The following KCNH8 variants were observed in gnomAD, a reference collection of about 807,000 sequenced individuals.
KCNH8 encodes potassium voltage-gated channel subfamily H member 8, also known as voltage-gated delayed rectifier potassium channel KCNH8.
In KCNH8, 70 loss-of-function variants were observed where a neutral mutation model predicts 103.6. That is an observed-to-expected ratio of 0.68 (90% CI 0.56 to 0.82). KCNH8 has a LOEUF of 0.82. Ranked by LOEUF, KCNH8 falls within the 40% of genes least tolerant of loss-of-function variation. KCNH8 has a pLI of 0.00. For missense variants in KCNH8, 1,217 were observed against 1,329.9 expected (o/e 0.92, Z 1.32); for synonymous variants, 498 against 489.4 (o/e 1.02, Z -0.23).
At chr3:19,202,621 T>C (rs1206611094) in intron 1 of KCNH8, among the ~76,000 whole-genome samples, 2 of 152,106 alleles carry the variant, frequency 1.3e-5, no homozygotes, top group Non-Finnish European at 2.9e-5. Flanking sequence ...GCTTTTGGTA[T>C]GGGAAGTATG....
intron 3 of KCNH8, among the ~76,000 whole-genome samples, chr3:19,333,978 A>G (rs2065547158): frequency 1.3e-5 from 2 of 152,164 alleles, no homozygotes; most frequent in African/African-American, 4.8e-5. Context: ...GTAAAGGAAT[A>G]AAAGGAAGAA....
At chr3:19,408,626 A>G (rs1471330976) in intron 7 of KCNH8, among the ~76,000 whole-genome samples, 1 of 152,134 alleles carries the variant, frequency 6.6e-6, no homozygotes, top group Non-Finnish European at 1.5e-5. Context: ...ATTCTAAAGC[A>G]ATCCAGTAAA....
At chr3:19,345,109 T>C (rs1183699103) in intron 4 of KCNH8, among the ~76,000 whole-genome samples, 1 of 152,120 alleles carries the variant, frequency 6.6e-6, no homozygotes, top group African/African-American at 2.4e-5. Context: ...TTGCCTGGTA[T>C]ACCTTGAAAA....
chr3:19,283,822 A>G (rs2064790461), intron 3 of KCNH8, among the ~76,000 whole-genome samples: 1 of 151,572 alleles, frequency 6.6e-6, no homozygotes, highest in South Asian at 2.1e-4. Flanking sequence ...GCGCACTTGT[A>G]GTCCCAGCTA....
intron 3 of KCNH8, among the ~76,000 whole-genome samples, chr3:19,329,521 T>TC (rs398105649): frequency 6.6e-6 from 1 of 152,086 alleles, no homozygotes; most frequent in Non-Finnish European, 1.5e-5. Context: ...TAGGTTTTTT[T>TC]CCTTTCATTT....
chr3:19,321,450 C>CAA (rs2125303926), intron 3 of KCNH8, among the ~76,000 whole-genome samples: 1 of 150,746 alleles, frequency 6.6e-6, no homozygotes, highest in South Asian at 2.1e-4. Flanking sequence ...AATGATCATT[C>CAA]AAGAGCAGGT....
intron 5 of KCNH8, among the ~76,000 whole-genome samples, chr3:19,382,764 A>G (rs2066305526): frequency 1.3e-5 from 2 of 152,224 alleles, no homozygotes; most frequent in African/African-American, 4.8e-5. Flanking sequence ...CCTCTGCTCT[A>G]TGGCTTTACA....
rs752340424 is a variant in KCNH8 at position 19,278,527 on chromosome 3, AAGG to A, written c.311-2667_311-2665del. 8.4e-5 allele frequency among the ~76,000 whole-genome samples: 10 copies of A among 119,416 alleles called. No individual in the cohort carries two copies. In the East Asian group the frequency reaches 1.8e-3, roughly 22 times the overall value. The allele number at this position is 119,416 out of a possible 152,430, so 78.3% of individuals were successfully genotyped here. On this transcript the variant is annotated intron_variant, in intron 2 of 15. Transcript: ENST00000328405. ...GAGGGAGGGAGGGAAGGAACAAAGG[AAGG>A]AGGGAAATAAGGGAGGAAGGGAGGG...
rs576053567 is a variant in KCNH8 at position 19,187,306 on chromosome 3, T to C, written c.76+38511T>C. On this transcript the variant is annotated intron_variant, in intron 1 of 15. Transcript: ENST00000328405. Reference sequence around the variant, plus strand: ...AATGTAATATTGTTACATATGTACATAGTAGATATGCATAGATATATATAT... The same window carrying C: ...AATGTAATATTGTTACATATGTACACAGTAGATATGCATAGATATATATAT... 3.3e-5 allele frequency among the ~76,000 whole-genome samples: 5 copies of C among 152,088 alleles called. No individual in the cohort carries two copies. In the East Asian group the frequency reaches 9.6e-4, roughly 29 times the overall value.
intron 11 of KCNH8, among the ~76,000 whole-genome samples, chr3:19,480,714 G>A (rs564077377): frequency 5.3e-5 from 8 of 152,242 alleles, no homozygotes; most frequent in African/African-American, 1.9e-4. Context: ...GTAGAATGTT[G>A]AGGCCTTCTC....
At chr3:19,257,598 C>G (rs954473096) in intron 2 of KCNH8, among the ~76,000 whole-genome samples, 153 of 152,138 alleles carry the variant, frequency 1.0e-3, no homozygotes, top group African/African-American at 3.5e-3. Context: ...CATGTCTATC[C>G]TCTCTACAGA....
chr3:19,231,469 T>C (rs532327847), intron 1 of KCNH8, among the ~76,000 whole-genome samples: 1 of 152,192 alleles, frequency 6.6e-6, no homozygotes, highest in African/African-American at 2.4e-5. Flanking sequence ...TTATATTTTA[T>C]TTAGTACTTT....
intron 3 of KCNH8, among the ~76,000 whole-genome samples, chr3:19,302,284 C>A (rs1020346213): frequency 6.6e-6 from 1 of 152,144 alleles, no homozygotes; most frequent in South Asian, 2.1e-4. Flanking sequence ...TCCTCTCACT[C>A]CATCCCTTTG....
intron 8 of KCNH8, 38 bp from the exon 9 acceptor site, chr3:19,450,068 C>T: frequency 6.4e-7 from 1 of 1,563,680 alleles, no homozygotes; most frequent in Non-Finnish European, 8.8e-7. Flanking sequence ...CCTCATGTCA[C>T]ATTTCTCTTC....
In KCNH8 at chr3:19,279,551, A is replaced by G. The variant is rs1261839312; in HGVS notation, c.311-1647A>G. Among the ~76,000 whole-genome samples the G allele has an allele frequency of 1.4e-5, 2 of 138,502 alleles. 1 individual carries two copies. Among genetic ancestry groups the G allele is most frequent in the South Asian group, 4.9e-4 (2 of 4,112 alleles). The allele number at this position is 138,502 out of a possible 152,430, so 90.9% of individuals were successfully genotyped here. A position where few individuals can be genotyped will look rare whatever the true frequency, so the allele number is the denominator to read the frequency against. ...ATAGATATTGGGGCAGATGAATGAA[A>G]TGGGATGCCATAGGGCTAAAAAAAA... On this transcript the variant is annotated intron_variant, in intron 2 of 15. Coordinates refer to ENST00000328405, the MANE Select transcript of KCNH8 (RefSeq NM_144633.3).
chr3:19,255,377 G>A (rs1024024731), intron 2 of KCNH8, among the ~76,000 whole-genome samples: 1 of 152,088 alleles, frequency 6.6e-6, no homozygotes, highest in Non-Finnish European at 1.5e-5. Context: ...GAGACAATGG[G>A]GTTTTCTAGA....
chr3:19,326,725 C>T (rs2065429765), intron 3 of KCNH8, among the ~76,000 whole-genome samples: 1 of 152,180 alleles, frequency 6.6e-6, no homozygotes, highest in African/African-American at 2.4e-5. Context: ...CTTGTTCTCT[C>T]CATTTCAAGA....
chr3:19,324,839 T>A (rs1423649914), intron 3 of KCNH8, among the ~76,000 whole-genome samples: 2 of 152,118 alleles, frequency 1.3e-5, no homozygotes, highest in Non-Finnish European at 2.9e-5. Flanking sequence ...AAAAAATGTT[T>A]TAAAATTCAT....
At chr3:19,455,405 T>G (rs1279379152) in intron 10 of KCNH8, among the ~76,000 whole-genome samples, 1 of 152,104 alleles carries the variant, frequency 6.6e-6, no homozygotes, top group Non-Finnish European at 1.5e-5. Flanking sequence ...TCACCTTATG[T>G]TTTTCAATGA....
Sources: gnomAD v4.1 joint callset for allele counts (sites outside exome capture counted in the v4.1 genomes callset) on GRCh38, gnomAD v4.1.1 for gene constraint, MANE v1.5 for transcripts, NCBI Gene and HGNC (gene_info 2026-07-23, HGNC 2026-07-21) for gene names.